The following SLC49A4 variants were observed in gnomAD, a reference collection of about 807,000 sequenced individuals.
SLC49A4 encodes the protein solute carrier family 49 member 4.
In SLC49A4, 36 loss-of-function variants were observed where a neutral mutation model predicts 50.6. The ratio of observed to expected loss-of-function variants is 0.71; its 90% confidence interval spans 0.55 to 0.94. The LOEUF is 0.94. SLC49A4 is among the 40% of genes least tolerant of loss of function. The pLI, the probability that SLC49A4 is intolerant of heterozygous loss-of-function variation, is 0.00. For missense variants in SLC49A4, 503 were observed against 605.7 expected (o/e 0.83, Z 1.78); for synonymous variants, 248 against 241.2 (o/e 1.03, Z -0.26).
chr3:122,820,816 G>A (rs1936438399), intron 2 of SLC49A4, among the ~76,000 whole-genome samples: 1 of 152,230 alleles, frequency 6.6e-6, no homozygotes, highest in Non-Finnish European at 1.5e-5. Context: ...AGTCTCAGCA[G>A]TGCTGATGCT....
At chr3:122,847,107 C>T (rs754029110) in intron 5 of SLC49A4, among the ~76,000 whole-genome samples, 54 of 152,162 alleles carry the variant, frequency 3.5e-4, no homozygotes, top group Non-Finnish European at 6.9e-4. Context: ...ACTGTAGAAT[C>T]AAGGACCATG....
At chr3:122,878,176 A>C (rs540903861) in intron 8 of SLC49A4, among the ~76,000 whole-genome samples, 1 of 152,340 alleles carries the variant, frequency 6.6e-6, no homozygotes, top group Non-Finnish European at 1.5e-5. Flanking sequence ...AGATTAAGGC[A>C]GTATTAGCAT....
chr3:122,829,702 A>G lies in SLC49A4; in HGVS notation c.703+2637A>G, dbSNP rs373628076. On this transcript the variant is annotated intron_variant, in intron 3 of 8. Transcript: ENST00000261038. The stretch of plus-strand genomic sequence containing the variant: ...GAGGCAGAGGTTATAATGTGAGCCA[A>G]GATCACACCACTGCACTCCAGCCTG... 2.3e-4 allele frequency among the ~76,000 whole-genome samples: 35 copies of G among 152,352 alleles called. No individual in the cohort carries two copies. The South Asian group carries it at 7.2e-3, about 32-fold the overall frequency.
intron 7 of SLC49A4, among the ~76,000 whole-genome samples, chr3:122,865,443 T>TATTTTAA (rs1937105955): frequency 6.6e-6 from 1 of 152,144 alleles, no homozygotes. Flanking sequence ...CAGAAGTAGG[T>TATTTTAA]TATGAAGGCC....
intron 8 of SLC49A4, among the ~76,000 whole-genome samples, chr3:122,878,199 C>G (rs746825995): frequency 2.0e-5 from 3 of 151,890 alleles, no homozygotes; most frequent in Non-Finnish European, 4.4e-5. Context: ...TGTAGAAGTA[C>G]AAAGGGAAAA....
At chr3:122,865,866 T>C (rs1937111905) in intron 7 of SLC49A4, among the ~76,000 whole-genome samples, 1 of 152,202 alleles carries the variant, frequency 6.6e-6, no homozygotes, top group African/African-American at 2.4e-5. Flanking sequence ...ATTTCTTGAT[T>C]CTACTCCTTA....
chr3:122,805,948 A>G (rs144633741), intron 1 of SLC49A4, among the ~76,000 whole-genome samples: 89 of 152,350 alleles, frequency 5.8e-4, no homozygotes, highest in African/African-American at 2.1e-3. Flanking sequence ...GCATTATTCT[A>G]TAATGAAAAC....
intron 8 of SLC49A4, 30 bp downstream of exon 8, chr3:122,872,627 TAAATGTGTTACAAG>T: frequency 6.7e-7 from 1 of 1,494,684 alleles, no homozygotes; most frequent in Non-Finnish European, 9.1e-7. Flanking sequence ...ATTTACTATC[TAAATGTGTTACAAG>T]AAAAGTTTGG....
At chr3:122,841,928 T>C (rs1386857580) in intron 4 of SLC49A4, among the ~76,000 whole-genome samples, 1 of 134,262 alleles carries the variant, frequency 7.4e-6, no homozygotes, top group Non-Finnish European at 1.7e-5. Context: ...TACATTGCCT[T>C]TCACATAATA....
intron 7 of SLC49A4, among the ~76,000 whole-genome samples, chr3:122,862,179 T>G (rs1477390368): frequency 6.6e-6 from 1 of 152,210 alleles, no homozygotes; most frequent in Non-Finnish European, 1.5e-5. Flanking sequence ...TGAGTATTAT[T>G]TTTTTAATGG....
At position 122,860,193 on chromosome 3, in the gene SLC49A4, T is replaced by G. The variant is rs781395036; in HGVS notation, c.1129T>G (p.Leu377Val). The change falls in exon 7 of 9, where the codon TTA becomes GTA. Residue 377 changes from leucine (L) to valine (V), a missense_variant. Leu to Val is a conservative substitution (Grantham distance 32, BLOSUM62 1). Coordinates refer to ENST00000261038, the MANE Select transcript of SLC49A4 (RefSeq NM_032839.3). ...TCLNSITHLP[L>V]TTVTLYASCI... ...TTTGAACAGCATCACACACCTACCT[T>G]TAACCACAGGTGAGCATAGGCTATT... 14 of 1,601,078 alleles carry G rather than the reference T, an allele frequency of 8.7e-6. No individual in the cohort carries two copies. Among genetic ancestry groups the G allele is most frequent in the African/African-American group, 1.3e-5 (1 of 74,430 alleles).
rs376418015 is a variant in SLC49A4 at position 122,795,369 on chromosome 3, G to A, written c.177G>A (p.Ser59=). ...GCTGGCTGGTGCTGCTGCTCTTCTC[G>A]CTGCTGGCGTTCGTTCAGGGCCTGG... The part of the protein sequence containing the change: ...GRRWLVLLLF[S]LLAFVQGLVW... The change falls in exon 1 of 9, where the codon TCG becomes TCA. Residue 59 remains serine, a synonymous_variant. Transcript: ENST00000261038. The A allele has an allele frequency of 6.3e-6, 10 of 1,595,236 alleles. No individual in the cohort carries two copies. The African/African-American group carries it at 1.4e-4, about 22-fold the overall frequency.
intron 8 of SLC49A4, among the ~76,000 whole-genome samples, chr3:122,874,815 G>T (rs992888613): frequency 6.6e-6 from 1 of 152,176 alleles, no homozygotes; most frequent in Non-Finnish European, 1.5e-5. Flanking sequence ...GGCAGTTAAT[G>T]AGAAGATACC....
rs572447685 is a variant in SLC49A4 at position 122,858,152 on chromosome 3, C to T, written c.1010+1778C>T. 1.1e-3 allele frequency among the ~76,000 whole-genome samples: 162 copies of T among 152,298 alleles called. 3 individuals carry two copies. In the South Asian group the frequency reaches 0.032, roughly 30 times the overall value. Reference sequence around the variant, plus strand: ...TGGGTGATATTTTTGTAATTAAAGACCACTATTAAAGATACTTCTTCGTCC... The same window carrying T: ...TGGGTGATATTTTTGTAATTAAAGATCACTATTAAAGATACTTCTTCGTCC... On this transcript the variant is annotated intron_variant, in intron 6 of 8. Coordinates refer to ENST00000261038, the MANE Select transcript of SLC49A4 (RefSeq NM_032839.3).
At chr3:122,859,046 G>A (rs1395588961) in intron 6 of SLC49A4, among the ~76,000 whole-genome samples, 1 of 152,160 alleles carries the variant, frequency 6.6e-6, no homozygotes, top group Non-Finnish European at 1.5e-5. Context: ...TGGTAGGGAA[G>A]ACAAAAATAA....
chr3:122,813,527 C>T (rs1313058635), intron 2 of SLC49A4, among the ~76,000 whole-genome samples: 1 of 152,094 alleles, frequency 6.6e-6, no homozygotes, highest in African/African-American at 2.4e-5. Context: ...CCTCTCTCTC[C>T]CTCCTGTATA....
Position 122,795,121 on chromosome 3 carries a change from C to G in SLC49A4, c.-72C>G. 7.9e-7 allele frequency: 1 copy of G among 1,264,732 alleles called. No individual in the cohort carries two copies. 78.3% of individuals were successfully genotyped at this position (1,264,732 alleles called of 1,614,324 possible). A position where few individuals can be genotyped will look rare whatever the true frequency, so the allele number is the denominator to read the frequency against. On this transcript the variant is annotated 5_prime_UTR_variant, in exon 1 of 9. Coordinates refer to ENST00000261038, the MANE Select transcript of SLC49A4 (RefSeq NM_032839.3). ...AGCCTCCGCCTCCTGCTGCTCAGGA[C>G]TATTCTGCGCTGGGCTAGTCGGCGG...
chr3:122,831,960 A>G (rs552596554), intron 3 of SLC49A4, among the ~76,000 whole-genome samples: 1 of 150,068 alleles, frequency 6.7e-6, no homozygotes, highest in Admixed American at 6.7e-5. Context: ...AACAGACTGA[A>G]AACACCAAAA....
At chr3:122,851,708 C>T (rs1936928988) in intron 5 of SLC49A4, among the ~76,000 whole-genome samples, 2 of 152,018 alleles carry the variant, frequency 1.3e-5, no homozygotes, top group East Asian at 1.9e-4. Flanking sequence ...AATTTCTAGT[C>T]AGTGTCTCTT....
Sources: allele counts gnomAD v4.1 joint callset (sites outside exome capture counted in the v4.1 genomes callset), GRCh38; gene constraint gnomAD v4.1.1; transcripts MANE v1.5; gene names NCBI Gene and HGNC (gene_info 2026-07-23, HGNC 2026-07-21).